FHIT: variants seen among roughly 807,000 people sequenced by gnomAD.
FHIT encodes bis(5'-adenosyl)-triphosphatase.
Under a neutral mutation model 17.9 loss-of-function variants are expected in FHIT, and 19 were observed. That is an observed-to-expected ratio of 1.06 (90% CI 0.74 to 1.56). The LOEUF (loss-of-function observed/expected upper bound fraction) is 1.56, where lower values mean the gene tolerates loss of function less well. Among genes scored for constraint, FHIT ranks in the 40% most tolerant of loss-of-function variants. FHIT has a pLI of 0.00. For missense variants in FHIT, 248 were observed against 189.2 expected (o/e 1.31, Z -1.82); for synonymous variants, 81 against 69.7 (o/e 1.16, Z -0.81).
chr3:61,098,879 G>T (rs1246517523), intron 2 of FHIT, among the ~76,000 whole-genome samples: 1 of 151,864 alleles, frequency 6.6e-6, no homozygotes, highest in East Asian at 1.9e-4. Context: ...CTAGATATAA[G>T]ATTATGTCAC....
chr3:60,269,427 T>C (rs2107624051), intron 5 of FHIT, among the ~76,000 whole-genome samples: 1 of 152,320 alleles, frequency 6.6e-6, no homozygotes, highest in East Asian at 1.9e-4. Flanking sequence ...GGCTGTTCTT[T>C]TGAGAAATCT....
intron 5 of FHIT, among the ~76,000 whole-genome samples, chr3:60,354,143 A>G (rs1699544432): frequency 6.6e-6 from 1 of 152,178 alleles, no homozygotes; most frequent in African/African-American, 2.4e-5. Context: ...GACATATGAC[A>G]TGCTTGTAAC....
chr3:59,958,247 A>G (rs1307060882), intron 7 of FHIT, among the ~76,000 whole-genome samples: 1 of 152,214 alleles, frequency 6.6e-6, no homozygotes. Flanking sequence ...GTCCCCAGTA[A>G]TAGAGCTTCA....
intron 4 of FHIT, among the ~76,000 whole-genome samples, chr3:60,792,097 A>G (rs782357031): frequency 1.4e-4 from 22 of 152,200 alleles, no homozygotes; most frequent in Admixed American, 2.6e-4. Flanking sequence ...CTGTTGGGAG[A>G]TGCCCTGACG....
chr3:60,674,788 C>T (rs2040584764), intron 4 of FHIT, among the ~76,000 whole-genome samples: 1 of 152,164 alleles, frequency 6.6e-6, no homozygotes, highest in East Asian at 1.9e-4. Flanking sequence ...CTCTTGGTCC[C>T]ACAGTGAACC....
At chr3:59,887,490 A>T (rs991384180) in intron 8 of FHIT, among the ~76,000 whole-genome samples, 1 of 152,140 alleles carries the variant, frequency 6.6e-6, no homozygotes, top group African/African-American at 2.4e-5. Context: ...CCAAGAAAAA[A>T]CTGCATGTCA....
chr3:60,027,920 T>C (rs1055179175), intron 5 of FHIT, among the ~76,000 whole-genome samples: 29 of 152,342 alleles, frequency 1.9e-4, no homozygotes, highest in African/African-American at 6.7e-4. Context: ...ACTTGAAATA[T>C]GGCTGATGTA....
intron 8 of FHIT, among the ~76,000 whole-genome samples, chr3:59,823,767 A>G (rs767911464): frequency 6.6e-6 from 1 of 152,184 alleles, no homozygotes; most frequent in South Asian, 2.1e-4. Flanking sequence ...AGTTGAAAGC[A>G]TTCCCTCTGA....
chr3:61,205,439 C>G (rs923903990), intron 1 of FHIT, among the ~76,000 whole-genome samples: 41 of 152,310 alleles, frequency 2.7e-4, no homozygotes, highest in Non-Finnish European at 5.1e-4. Context: ...GTCCCACCAA[C>G]AGGGTAAAAG....
At chr3:60,382,843 T>C (rs115999935) in intron 5 of FHIT, among the ~76,000 whole-genome samples, 4 of 152,306 alleles carry the variant, frequency 2.6e-5, no homozygotes, top group African/African-American at 4.8e-5. Context: ...TGGAATTACA[T>C]AGAGAACGAG....
Position 60,732,801 on chromosome 3 carries a change from C to T in FHIT, c.-18+89118G>A, listed in dbSNP as rs576544327. ...TTCCGGGTTCAAGTGATTCTCCTGC[C>T]TCAGTCTCCGGAGTAGCTGGGACTA... On this transcript the variant is annotated intron_variant, in intron 4 of 9. Transcript: ENST00000492590. Among the ~76,000 whole-genome samples the T allele has an allele frequency of 4.7e-5, 7 of 150,482 alleles. No individual in the cohort carries two copies. In the South Asian group the frequency reaches 1.5e-3, roughly 32 times the overall value.
chr3:60,448,655 T>G (rs2031508047), intron 5 of FHIT, among the ~76,000 whole-genome samples: 1 of 152,182 alleles, frequency 6.6e-6, no homozygotes, highest in Admixed American at 6.6e-5. Flanking sequence ...CGCATTGCTT[T>G]ACTGGCCTCC....
At chr3:60,256,645 T>C (rs1322462345) in intron 5 of FHIT, among the ~76,000 whole-genome samples, 2 of 152,198 alleles carry the variant, frequency 1.3e-5, no homozygotes, top group African/African-American at 4.8e-5. Context: ...TCCTTTCTCA[T>C]CTCCCACTTC....
intron 1 of FHIT, among the ~76,000 whole-genome samples, chr3:61,241,750 A>T (rs185729456): frequency 6.6e-6 from 1 of 152,362 alleles, no homozygotes; most frequent in East Asian, 1.9e-4. Context: ...ACTCAGCAAG[A>T]GTCTTTAAGT....
intron 3 of FHIT, among the ~76,000 whole-genome samples, chr3:60,826,160 AG>A (rs1702108051): frequency 1.3e-4 from 1 of 7,630 alleles, no homozygotes; most frequent in Non-Finnish European, 6.8e-4. Context: ...GATGGAAGGA[AG>A]GAAGGAAGGA....
chr3:60,886,084 A>C (rs1455435298), intron 3 of FHIT, among the ~76,000 whole-genome samples: 1 of 152,232 alleles, frequency 6.6e-6, no homozygotes, highest in Non-Finnish European at 1.5e-5. Flanking sequence ...AATAAAACAC[A>C]TCTTTGCCTT....
At chr3:59,888,429 A>G (rs1338180834) in intron 8 of FHIT, among the ~76,000 whole-genome samples, 2 of 152,246 alleles carry the variant, frequency 1.3e-5, no homozygotes, top group South Asian at 2.1e-4. Flanking sequence ...AAAGGCCCAA[A>G]TTGAAGGCAA....
intron 8 of FHIT, among the ~76,000 whole-genome samples, chr3:59,820,405 T>A (rs529773199): frequency 1.3e-5 from 2 of 152,176 alleles, no homozygotes; most frequent in African/African-American, 4.8e-5. Context: ...CAGGGCACCA[T>A]GGTGATTCTG....
At chr3:60,872,927 G>T (rs782556243) in intron 3 of FHIT, among the ~76,000 whole-genome samples, 8 of 152,014 alleles carry the variant, frequency 5.3e-5, no homozygotes, top group African/African-American at 1.2e-4. Flanking sequence ...TGCTTAAATT[G>T]TTCCCCGTTC....
Sources: gnomAD v4.1 joint callset for allele counts (sites outside exome capture counted in the v4.1 genomes callset) on GRCh38, gnomAD v4.1.1 for gene constraint, MANE v1.5 for transcripts, NCBI Gene and HGNC (gene_info 2026-07-23, HGNC 2026-07-21) for gene names.